The following ZNF83 variants were observed in gnomAD, a reference collection of about 807,000 sequenced individuals.
ZNF83 encodes zinc finger protein 83.
For synonymous variants in ZNF83, 209 were observed against 213.0 expected (o/e 0.98, Z 0.17); for missense variants, 552 against 629.9 (o/e 0.88, Z 1.32).
intron 2 of ZNF83, among the ~76,000 whole-genome samples, chr19:52,615,015 G>A (rs887869543): frequency 6.6e-6 from 1 of 152,070 alleles, no homozygotes; most frequent in African/African-American, 2.4e-5. Context: ...TTGCAGAAAA[G>A]CCTAGTATAA....
intron 1 of ZNF83, 181 bp from the exon 2 acceptor site, chr19:52,635,334 A>G: frequency 2.7e-6 from 1 of 366,160 alleles, no homozygotes; most frequent in Non-Finnish European, 4.9e-6. Flanking sequence ...AGCCCACACC[A>G]CACCCTTCTG....
intron 1 of ZNF83, among the ~76,000 whole-genome samples, chr19:52,690,183 A>G (rs779358229): frequency 1.3e-4 from 3 of 22,834 alleles, no homozygotes; most frequent in Non-Finnish European, 2.6e-4. Context: ...TGATTTTGAG[A>G]AAAAAAAAAA....
At chr19:52,676,688 G>A (rs1600264676) in intron 1 of ZNF83, among the ~76,000 whole-genome samples, 1 of 135,338 alleles carries the variant, frequency 7.4e-6, no homozygotes, top group East Asian at 2.0e-4. Context: ...ATAGAAAGCG[G>A]GGAAAGGTGG....
intron 1 of ZNF83, among the ~76,000 whole-genome samples, chr19:52,663,949 C>T (rs1975941): frequency 0.69 from 105,328 of 152,098 alleles, 36,688 homozygotes; most frequent in Admixed American, 0.78. Context: ...TGCAGTTATG[C>T]GATCTCGGCT....
At chr19:52,620,290 GTGTATA>G (rs2060496101) in intron 2 of ZNF83, among the ~76,000 whole-genome samples, 1 of 146,934 alleles carries the variant, frequency 6.8e-6, no homozygotes, top group African/African-American at 2.5e-5. Context: ...GTGTGTGTGT[GTGTATA>G]TATAGTTTCC....
At chr19:52,612,624 CTCT>C (rs2060143689) in exon 3 of ZNF83, 1 of 183,092 alleles carries the variant, frequency 5.5e-6, no homozygotes, top group African/African-American at 2.4e-5. Flanking sequence ...ATTATAAATG[CTCT>C]TTAGTATGGA....
chr19:52,681,280 CAAAAAAA>C (rs56916405), intron 1 of ZNF83, among the ~76,000 whole-genome samples: 25 of 75,428 alleles, frequency 3.3e-4, no homozygotes, highest in Admixed American at 5.4e-4. Flanking sequence ...GAGACTTTCT[CAAAAAAA>C]AAAAAAAAAA....
intron 1 of ZNF83, among the ~76,000 whole-genome samples, chr19:52,680,079 T>G (rs2061882705): frequency 6.6e-6 from 1 of 152,038 alleles, no homozygotes; most frequent in Non-Finnish European, 1.5e-5. Flanking sequence ...CTTGAGAGGC[T>G]GAAGGAGGAG....
chr19:52,613,310 G>A (rs563662573), exon 3 of ZNF83: 2 of 1,614,138 alleles, frequency 1.2e-6, no homozygotes, highest in South Asian at 2.2e-5. Flanking sequence ...ATTCTCCAAT[G>A]ATATGCAAGG....
At chr19:52,636,965 C>T (rs1016723268) in intron 1 of ZNF83, 6 of 152,348 alleles carry the variant, frequency 3.9e-5, no homozygotes, top group African/African-American at 1.2e-4. Flanking sequence ...GCCCATCTTT[C>T]TTCATTACTG....
At chr19:52,662,765 C>A (rs1467157777) in intron 1 of ZNF83, among the ~76,000 whole-genome samples, 1 of 151,998 alleles carries the variant, frequency 6.6e-6, no homozygotes, top group African/African-American at 2.4e-5. Context: ...GACATTTCAC[C>A]AAGTTATCCA....
chr19:52,664,789 G>A (rs948276702), intron 1 of ZNF83, among the ~76,000 whole-genome samples: 1 of 151,812 alleles, frequency 6.6e-6, no homozygotes, highest in African/African-American at 2.4e-5. Flanking sequence ...GGGCTGTGAG[G>A]GGTTCGCAGG....
intron 3 of ZNF83, chr19:52,651,286 T>C (rs1446822463): frequency 6.6e-6 from 1 of 152,238 alleles, no homozygotes; most frequent in Non-Finnish European, 1.5e-5. Context: ...TCAGGATATA[T>C]TCACTTTTGA....
At chr19:52,655,416 A>C in intron 3 of ZNF83, 1 of 794,388 alleles carries the variant, frequency 1.3e-6, no homozygotes, top group Non-Finnish European at 2.0e-6. Context: ...TGTCTATGAC[A>C]GACAGGAGGA....
chr19:52,686,417 T>TA (rs1183096471), intron 1 of ZNF83, among the ~76,000 whole-genome samples: 5 of 149,566 alleles, frequency 3.3e-5, no homozygotes, highest in Admixed American at 6.7e-5. Flanking sequence ...AAGATACTCT[T>TA]AAAACTAAGA....
intron 1 of ZNF83, among the ~76,000 whole-genome samples, chr19:52,681,715 G>A (rs1252833084): frequency 6.6e-6 from 1 of 152,144 alleles, no homozygotes; most frequent in Non-Finnish European, 1.5e-5. Context: ...AAAAGATACA[G>A]CTTCAAAACT....
chr19:52,628,233 A>C (rs1046493776), intron 2 of ZNF83, among the ~76,000 whole-genome samples: 5 of 152,082 alleles, frequency 3.3e-5, no homozygotes, highest in African/African-American at 9.7e-5. Flanking sequence ...CTCCCTTGGG[A>C]GATCAATCGC....
Position 52,687,402 on chromosome 19 carries a change from AGC to A in ZNF83, c.-283+3039_-283+3040del, listed in dbSNP as rs1461973685. ...TAATTTATATATATATAATTTATAT[AGC>A]TATATAAATTATAATATAAATTATA... On this transcript the variant is annotated intron_variant, in intron 1 of 5. Transcript: ENST00000594682. Among the ~76,000 whole-genome samples, 507 of 66,510 alleles carry A rather than the reference AGC, an allele frequency of 7.6e-3. 200 individuals carry two copies. The highest frequency in any genetic ancestry group is 0.034 in the African/African-American group (473 of 13,904). The allele number at this position is 66,510 out of a possible 152,430, so 43.6% of individuals were successfully genotyped here. A position where few individuals can be genotyped will look rare whatever the true frequency, so the allele number is the denominator to read the frequency against.
At chr19:52,681,745 T>C (rs555121312) in intron 1 of ZNF83, among the ~76,000 whole-genome samples, 2 of 152,340 alleles carry the variant, frequency 1.3e-5, no homozygotes, top group South Asian at 4.1e-4. Flanking sequence ...CAGGTTTATC[T>C]AATGGAGAGA....
Sources: allele counts gnomAD v4.1 joint callset (sites outside exome capture counted in the v4.1 genomes callset), GRCh38; gene constraint gnomAD v4.1.1; transcripts MANE v1.5; gene names NCBI Gene and HGNC (gene_info 2026-07-23, HGNC 2026-07-21).